RALGAPA2: variants seen among roughly 807,000 people sequenced by gnomAD.
The protein encoded by RALGAPA2 is Ral GTPase activating protein catalytic subunit alpha 2.
A neutral mutation model predicts 230.4 loss-of-function variants in RALGAPA2; 139 were observed. That is an observed-to-expected ratio of 0.60 (90% confidence interval 0.53 to 0.69). The LOEUF (loss-of-function observed/expected upper bound fraction) is 0.69, where lower values mean the gene tolerates loss of function less well. Ranked by LOEUF, RALGAPA2 falls within the 30% of genes least tolerant of loss-of-function variation. The pLI is 0.00. For synonymous variants in RALGAPA2, 847 were observed against 837.8 expected (o/e 1.01, Z -0.19); for missense variants, 2,163 against 2,276.0 (o/e 0.95, Z 1.01).
At chr20:20,458,455 T>C (rs557341826) in intron 37 of RALGAPA2, among the ~76,000 whole-genome samples, 1 of 136,872 alleles carries the variant, frequency 7.3e-6, no homozygotes, top group East Asian at 2.2e-4. Flanking sequence ...ATATAATACA[T>C]ATGTATTTTA....
chr20:20,431,357 G>A (rs921952442), intron 37 of RALGAPA2, among the ~76,000 whole-genome samples: 18 of 152,280 alleles, frequency 1.2e-4, no homozygotes, highest in Middle Eastern at 3.4e-3. Flanking sequence ...AGGCTGGAGG[G>A]GGGAGAAGGA....
In RALGAPA2 at chr20:20,512,557, G is replaced by A. The variant is rs368237333; in HGVS notation, c.4812C>T (p.Cys1604=). 9 of 1,612,616 alleles carry A rather than the reference G, an allele frequency of 5.6e-6. No homozygotes were observed. Among genetic ancestry groups the A allele is most frequent in the Non-Finnish European group, 7.6e-6 (9 of 1,179,410 alleles). The part of the protein sequence containing the change: ...PVEPRGPFYF[C]RLLLDDLGMN... ...TTCCCAAGTCATCAAGCAATAACCT[G>A]CAGAAATAAAAGGGTCCTCGGGGCT... is the stretch of plus-strand genomic sequence containing the variant. Residue 1604 remains cysteine, a synonymous_variant, in exon 32 of 40, where the codon TGC becomes TGT. Transcript: ENST00000202677.
chr20:20,452,171 G>T (rs1448416099), intron 37 of RALGAPA2, among the ~76,000 whole-genome samples: 2 of 152,028 alleles, frequency 1.3e-5, no homozygotes, highest in African/African-American at 4.8e-5. Context: ...ATATAGAGAG[G>T]AAATAAACTT....
At chr20:20,581,513 T>C (rs2064982806) in intron 20 of RALGAPA2, among the ~76,000 whole-genome samples, 1 of 152,172 alleles carries the variant, frequency 6.6e-6, no homozygotes, top group Non-Finnish European at 1.5e-5. Context: ...GTTTCATCTC[T>C]GGAACTCACA....
chr20:20,508,606 C>T (rs931956956), intron 33 of RALGAPA2, among the ~76,000 whole-genome samples: 6 of 152,164 alleles, frequency 3.9e-5, no homozygotes, highest in Non-Finnish European at 8.8e-5. Context: ...TTCCAAAGAA[C>T]ATGTTAAGAA....
rs2059756343 is a variant in RALGAPA2 at position 20,398,102 on chromosome 20, A to G, written c.5618-1368T>C. 6.6e-6 allele frequency among the ~76,000 whole-genome samples: 1 copy of G among 152,152 alleles called. No homozygotes were observed. The highest frequency in any genetic ancestry group is 2.4e-5 in the African/African-American group (1 of 41,440). On this transcript the variant is annotated intron_variant, in intron 38 of 39. Coordinates refer to ENST00000202677, the MANE Select transcript of RALGAPA2 (RefSeq NM_020343.4). This position sits in a 1 kb window ranked among gnomAD's most constrained non-coding sequence, Gnocchi z 4.5. The stretch of plus-strand genomic sequence containing the variant: ...AAGGGCCCCCATTTCCTCTCATGGA[A>G]GAGGGCAAACATAGAGCATATCTGC...
At chr20:20,463,419 C>A (rs1247906461) in intron 37 of RALGAPA2, among the ~76,000 whole-genome samples, 3 of 152,052 alleles carry the variant, frequency 2.0e-5, no homozygotes, top group Non-Finnish European at 4.4e-5. Flanking sequence ...ATTAAGAACT[C>A]CTCTGAAAAC....
At position 20,619,200 on chromosome 20, in the gene RALGAPA2, T is replaced by A. The variant is rs1317055898; in HGVS notation, c.1539+77A>T. 4 of 1,353,806 alleles carry A rather than the reference T, an allele frequency of 3.0e-6. 1 individual carries two copies. Among genetic ancestry groups the A allele is most frequent in the African/African-American group, 2.9e-5 (2 of 68,700 alleles). The allele number at this position is 1,353,806 out of a possible 1,614,324, so 83.9% of individuals were successfully genotyped here. A position where few individuals can be genotyped will look rare whatever the true frequency, so the allele number is the denominator to read the frequency against. On this transcript the variant is annotated intron_variant, in intron 12 of 39. Transcript: ENST00000202677. ...TACCACCATACTTTATATGACATTA[T>A]CCCCAATAAACAAAAAGACAAAATG...
rs2059768984 is a variant in RALGAPA2, at chr20:20,398,712, G to A, written c.5618-1978C>T. Reference sequence around the variant, plus strand: ...GCCAGGAGGGACCTGACGTCTGGGGGCGATAGGGGAGAGACACAAAGCCTA... The same window carrying A: ...GCCAGGAGGGACCTGACGTCTGGGGACGATAGGGGAGAGACACAAAGCCTA... On this transcript the variant is annotated intron_variant, in intron 38 of 39. Transcript: ENST00000202677. The surrounding 1 kb of genome is among the most constrained non-coding windows in gnomAD (Gnocchi z 4.5). 6.6e-6 allele frequency among the ~76,000 whole-genome samples: 1 copy of A among 152,124 alleles called. No individual in the cohort carries two copies. Among genetic ancestry groups the A allele is most frequent in the Non-Finnish European group, 1.5e-5 (1 of 68,022 alleles).
rs182712390 is a variant in RALGAPA2 at position 20,464,204 on chromosome 20, C to T, written c.5495+8625G>A. Among the ~76,000 whole-genome samples the T allele has an allele frequency of 5.5e-4, 84 of 152,304 alleles. 1 individual carries two copies. Among genetic ancestry groups the T allele is most frequent in the Non-Finnish European group, 1.0e-3 (70 of 68,020 alleles). On this transcript the variant is annotated intron_variant, in intron 37 of 39. Transcript: ENST00000202677. ...CTGGCTGATTACACTTCCCTTAAAG[C>T]TACTGACAAATGCAGCTGTAACCAG...
At chr20:20,414,679 T>C (rs1175785661) in intron 37 of RALGAPA2, among the ~76,000 whole-genome samples, 2 of 152,184 alleles carry the variant, frequency 1.3e-5, no homozygotes, top group Admixed American at 6.5e-5. Context: ...GATTCTCTGA[T>C]TCAATGAATA....
At chr20:20,673,139 C>G (rs980880751) in intron 3 of RALGAPA2, among the ~76,000 whole-genome samples, 6 of 150,688 alleles carry the variant, frequency 4.0e-5, no homozygotes, top group African/African-American at 1.5e-4. Context: ...GAGCTGAGAT[C>G]GCACCACTGA....
At chr20:20,401,330 A>G (rs2059831605) in intron 38 of RALGAPA2, among the ~76,000 whole-genome samples, 1 of 152,164 alleles carries the variant, frequency 6.6e-6, no homozygotes, top group Non-Finnish European at 1.5e-5. Context: ...CCAGGCAAGC[A>G]GGGGAATGAG....
At chr20:20,463,999 G>A (rs1182766852) in intron 37 of RALGAPA2, among the ~76,000 whole-genome samples, 2 of 152,120 alleles carry the variant, frequency 1.3e-5, no homozygotes, top group Non-Finnish European at 2.9e-5. Context: ...AGATTCTTCT[G>A]GGGCCCAGCA....
intron 1 of RALGAPA2, among the ~76,000 whole-genome samples, chr20:20,684,703 A>G (rs996287231): frequency 3.3e-5 from 5 of 152,222 alleles, no homozygotes; most frequent in African/African-American, 1.2e-4. Context: ...TCCCCCTGAC[A>G]GCACTTCAGA....
intron 2 of RALGAPA2, among the ~76,000 whole-genome samples, chr20:20,679,041 T>G (rs1486945162): frequency 6.6e-6 from 1 of 152,194 alleles, no homozygotes; most frequent in African/African-American, 2.4e-5. Flanking sequence ...ATCTAAAAGT[T>G]CTGACCATCA....
chr20:20,701,520 C>G (rs537177188), intron 1 of RALGAPA2, among the ~76,000 whole-genome samples: 11 of 152,058 alleles, frequency 7.2e-5, no homozygotes, highest in Non-Finnish European at 1.5e-4. Flanking sequence ...GGGCAGATCA[C>G]GAGGTCAGGA....
chr20:20,544,706 T>C (rs1487363038), intron 24 of RALGAPA2, among the ~76,000 whole-genome samples: 1 of 152,212 alleles, frequency 6.6e-6, no homozygotes, highest in Non-Finnish European at 1.5e-5. Flanking sequence ...AAGAGTAAGT[T>C]CGTGTCCTTT....
intron 36 of RALGAPA2, among the ~76,000 whole-genome samples, chr20:20,484,303 T>C (rs898120367): frequency 2.0e-5 from 3 of 152,162 alleles, no homozygotes; most frequent in Admixed American, 1.3e-4. Flanking sequence ...CAATCCTAAA[T>C]GTCTTCTTGT....
Sources: gnomAD v4.1 joint callset for allele counts (sites outside exome capture counted in the v4.1 genomes callset) on GRCh38, gnomAD v4.1.1 for gene constraint, Gnocchi (gnomAD v3.1) non-coding constraint, MANE v1.5 for transcripts, NCBI Gene and HGNC (gene_info 2026-07-23, HGNC 2026-07-21) for gene names.